IRAG1: variants seen among roughly 807,000 people sequenced by gnomAD.
IRAG1 encodes IP3R-associated cGMP kinase substrate.
A neutral mutation model predicts 106.2 loss-of-function variants in IRAG1; 62 were observed. The observed-to-expected ratio is 0.58, with a 90% confidence interval of 0.48 to 0.72. The LOEUF is 0.72. Ranked by LOEUF, IRAG1 falls within the 30% of genes least tolerant of loss-of-function variation. The pLI is 0.00. For synonymous variants in IRAG1, 462 were observed against 443.9 expected, an observed-to-expected ratio of 1.04 and a Z score of -0.51; for missense variants, 1,064 against 1,140.7, an observed-to-expected ratio of 0.93 and a Z score of 0.97.
intron 2 of IRAG1, among the ~76,000 whole-genome samples, chr11:10,643,738 ATCCC>A (rs550657062): frequency 1.9e-4 from 29 of 151,806 alleles, no homozygotes; most frequent in Admixed American, 1.7e-3. Context: ...CCATCCATCC[ATCCC>A]TCCCTCCCTC....
rs999421611 is a variant in IRAG1, at chr11:10,628,500, C to A, written c.652+251G>T. ...GGCTGTCCTAGTCCCCTTTCCCACCCAGCCTTCCTGACCCTGGGGTACACC... is the reference window on the plus strand; with the variant it reads ...GGCTGTCCTAGTCCCCTTTCCCACCAAGCCTTCCTGACCCTGGGGTACACC... On this transcript the variant is annotated intron_variant, in intron 6 of 20. Transcript: ENST00000423302. This position sits in a 1 kb window ranked among gnomAD's most constrained non-coding sequence, Gnocchi z 4.1. Among the ~76,000 whole-genome samples the A allele has an allele frequency of 2.0e-5, 3 of 152,218 alleles. No individual in the cohort carries two copies. The highest frequency in any genetic ancestry group is 4.4e-5 in the Non-Finnish European group (3 of 68,026).
At chr11:10,656,547 C>A (rs542798663) in intron 1 of IRAG1, among the ~76,000 whole-genome samples, 1 of 152,222 alleles carries the variant, frequency 6.6e-6, no homozygotes, top group South Asian at 2.1e-4. Flanking sequence ...TGAAAGAAAA[C>A]AAACTAATAT....
chr11:10,595,463 T>C (rs1319732103), intron 15 of IRAG1, among the ~76,000 whole-genome samples: 1 of 152,222 alleles, frequency 6.6e-6, no homozygotes, highest in East Asian at 1.9e-4. Flanking sequence ...ATACTGACTT[T>C]AAATTTAAAA....
At chr11:10,654,957 T>G (rs1858805496) in intron 1 of IRAG1, among the ~76,000 whole-genome samples, 1 of 152,182 alleles carries the variant, frequency 6.6e-6, no homozygotes, top group Admixed American at 6.5e-5. Context: ...AAACTGAGCA[T>G]CAGGTTCACC....
At chr11:10,672,711 T>C (rs145282873) in intron 1 of IRAG1, among the ~76,000 whole-genome samples, 312 of 152,318 alleles carry the variant, frequency 2.0e-3, no homozygotes, top group Middle Eastern at 6.8e-3. Context: ...AACCCTTATA[T>C]ATTGCTGGTA....
intron 10 of IRAG1, among the ~76,000 whole-genome samples, chr11:10,620,934 A>G (rs1437155595): frequency 4.6e-5 from 7 of 152,360 alleles, no homozygotes; most frequent in Admixed American, 1.3e-4. Context: ...CTATGCACCC[A>G]TTAAATCATA....
intron 20 of IRAG1, 91 bp downstream of exon 20, chr11:10,580,364 C>T: frequency 3.2e-6 from 5 of 1,544,382 alleles, no homozygotes; most frequent in Non-Finnish European, 3.5e-6. Flanking sequence ...CTGCCCTGGA[C>T]TGGCATTTCC....
chr11:10,676,671 C>T (rs765143333), intron 1 of IRAG1, among the ~76,000 whole-genome samples: 3 of 152,196 alleles, frequency 2.0e-5, no homozygotes, highest in Non-Finnish European at 2.9e-5. Flanking sequence ...CCTGAGAATA[C>T]ATCTAATGCC....
chr11:10,692,503 A>T (rs1862134293), intron 1 of IRAG1, among the ~76,000 whole-genome samples: 1 of 151,104 alleles, frequency 6.6e-6, no homozygotes, highest in South Asian at 2.1e-4. Context: ...CACCTGCCTC[A>T]CTAGCATGTC....
At position 10,626,573 on chromosome 11, in the gene IRAG1, T is replaced by A. The variant is rs374986559; in HGVS notation, c.761A>T (p.Lys254Ile). The change falls in exon 9 of 21, where the codon AAA becomes ATA. Residue 254 changes from lysine (K) to isoleucine (I), a missense_variant. Physicochemically the swap from Lys to Ile is moderately radical, Grantham distance 102. Coordinates refer to ENST00000423302, the MANE Select transcript of IRAG1 (RefSeq NM_130385.4). ...ATTCTGCTTCCTGTCAGCTAGCCCT[T>A]TGGGGACGTTCTGAAAAAGACAAGG... The part of the protein sequence containing the change: ...SPHPGEPNVP[K>I]GLADRKQNDQ... 2.1e-5 allele frequency: 34 copies of A among 1,601,988 alleles called. No homozygotes were observed. Among genetic ancestry groups the A allele is most frequent in the Non-Finnish European group, 2.8e-5 (33 of 1,172,636 alleles).
intron 1 of IRAG1, among the ~76,000 whole-genome samples, chr11:10,684,950 T>C (rs1288096569): frequency 6.6e-6 from 1 of 152,172 alleles, no homozygotes; most frequent in Non-Finnish European, 1.5e-5. Flanking sequence ...TTGTCCAAAC[T>C]TCCCAGAGGA....
chr11:10,636,894 T>C (rs10431031), intron 2 of IRAG1, among the ~76,000 whole-genome samples: 29,639 of 152,176 alleles, frequency 0.19, 4,505 homozygotes, highest in East Asian at 0.78. Flanking sequence ...GAATCAGGGA[T>C]TTGTCAGTGT....
Position 10,600,928 on chromosome 11 carries a change from A to C in IRAG1, c.2007T>G (p.Cys669Trp). The change falls in exon 15 of 21, where the codon TGT becomes TGG. Residue 669 changes from cysteine (C) to tryptophan (W), a missense_variant. Transcript: ENST00000423302. Reference protein sequence around the residue: ...KLANQNSSRSCGPSEDGVPRT... With the variant: ...KLANQNSSRSWGPSEDGVPRT... Reference sequence around the variant, plus strand: ...AGCCTAGGTCCTTACCAGAGGGGCCACAGCTGCGGCTTGAATTCTGATTTG... The same window carrying C: ...AGCCTAGGTCCTTACCAGAGGGGCCCCAGCTGCGGCTTGAATTCTGATTTG... 6.2e-7 allele frequency: 1 copy of C among 1,614,072 alleles called. No individual in the cohort carries two copies. The highest frequency in any genetic ancestry group is 8.5e-7 in the Non-Finnish European group (1 of 1,179,898).
chr11:10,688,344 A>G (rs60915963), intron 1 of IRAG1, among the ~76,000 whole-genome samples: 1 of 152,164 alleles, frequency 6.6e-6, no homozygotes, highest in African/African-American at 2.4e-5. Flanking sequence ...GCCAACACTG[A>G]GCCCACCTCC....
Position 10,665,313 on chromosome 11 carries a change from C to T in IRAG1, c.68-13131G>A, listed in dbSNP as rs541658801. ...CAGCATCTGGCCAGAAACCCCAGCC[C>T]AAACACAGAACCTTCTCCCACCTCT... On this transcript the variant is annotated intron_variant, in intron 1 of 20. Coordinates refer to ENST00000423302, the MANE Select transcript of IRAG1 (RefSeq NM_130385.4). This position sits in a 1 kb window ranked among gnomAD's most constrained non-coding sequence, Gnocchi z 4.2. Among the ~76,000 whole-genome samples, 23 of 152,334 alleles carry T rather than the reference C, an allele frequency of 1.5e-4. No homozygotes were observed. The highest frequency in any genetic ancestry group is 3.4e-3 in the Middle Eastern group (1 of 294).
intron 10 of IRAG1, among the ~76,000 whole-genome samples, chr11:10,616,162 C>T (rs1268471871): frequency 1.3e-5 from 2 of 150,320 alleles, no homozygotes; most frequent in Non-Finnish European, 3.0e-5. Context: ...AAAATTAGCC[C>T]GGCGTGGTGG....
rs139482053 is a variant in IRAG1 at position 10,675,045 on chromosome 11, G to A, written c.67+18491C>T. 3.3e-3 allele frequency among the ~76,000 whole-genome samples: 501 copies of A among 152,330 alleles called. 2 individuals are homozygous for A. The highest frequency in any genetic ancestry group is 0.011 in the African/African-American group (473 of 41,578). On this transcript the variant is annotated intron_variant, in intron 1 of 20. Transcript: ENST00000423302. ...CCCGGAGCAGGAAGGAATGGGCACC[G>A]CCCTGCAGATTCTGGGCAGGCTGCA...
intron 2 of IRAG1, among the ~76,000 whole-genome samples, chr11:10,645,163 A>C (rs1467203129): frequency 6.6e-6 from 1 of 152,210 alleles, no homozygotes; most frequent in African/African-American, 2.4e-5. Flanking sequence ...ACATTGACTG[A>C]GTAAATGTAC....
intron 20 of IRAG1, among the ~76,000 whole-genome samples, chr11:10,577,541 T>C (rs144697954): frequency 3.9e-4 from 59 of 152,238 alleles, no homozygotes; most frequent in African/African-American, 1.2e-3. Flanking sequence ...TAAAAAATAA[T>C]ATGAAAAATG....
Sources: allele counts gnomAD v4.1 joint callset (sites outside exome capture counted in the v4.1 genomes callset), GRCh38; gene constraint gnomAD v4.1.1; non-coding constraint Gnocchi (gnomAD v3.1); transcripts MANE v1.5; gene names NCBI Gene and HGNC (gene_info 2026-07-23, HGNC 2026-07-21).